The following MRC2 variants were observed in gnomAD, a reference collection of about 807,000 sequenced individuals.
The protein encoded by MRC2 is C-type mannose receptor 2.
In MRC2, 84 loss-of-function variants were observed where a neutral mutation model predicts 206.2. The ratio of observed to expected loss-of-function variants is 0.41; its 90% CI spans 0.34 to 0.49. The LOEUF is 0.49. Ranked by LOEUF, MRC2 falls within the 20% of genes least tolerant of loss-of-function variation. MRC2 has a pLI of 0.31. For missense variants in MRC2, 1,676 were observed against 2,001.5 expected (o/e 0.84, Z 3.10); for synonymous variants, 798 against 800.0 (o/e 1.00, Z 0.04).
intron 9 of MRC2, among the ~76,000 whole-genome samples, chr17:62,674,708 G>A (rs79046538): frequency 0.019 from 2,866 of 152,040 alleles, 192 homozygotes; most frequent in East Asian, 0.13. Context: ...TTGAGGGGGG[G>A]GGTGTCAAGG....
In MRC2 at chr17:62,680,403, T is replaced by TC; in HGVS notation, c.2438-13dup. 6.2e-7 allele frequency: 1 copy of TC among 1,614,058 alleles called. No individual in the cohort carries two copies. Among genetic ancestry groups the TC allele is most frequent in the Non-Finnish European group, 8.5e-7 (1 of 1,179,978 alleles). ...GTCTCCTTTCCTCACAACGTCTTTG[T>TC]CCTTGTTCCCCTAGGTACGGACGTG... On this transcript the variant is annotated splice_polypyrimidine_tract_variant and intron_variant, in intron 15 of 29. Transcript: ENST00000303375. The surrounding 1 kb of genome is among the most constrained non-coding windows in gnomAD (Gnocchi z 4.8).
intron 8 of MRC2, among the ~76,000 whole-genome samples, chr17:62,673,799 C>G (rs753372477): frequency 6.6e-6 from 1 of 152,152 alleles, no homozygotes; most frequent in African/African-American, 2.4e-5. Context: ...CATGAGCCAC[C>G]GCGCCGGGCC....
intron 1 of MRC2, among the ~76,000 whole-genome samples, chr17:62,655,689 A>G (rs2088610108): frequency 6.7e-6 from 1 of 149,844 alleles, no homozygotes; most frequent in Admixed American, 6.7e-5. Flanking sequence ...ACTGCACTCC[A>G]GCCTGGACAA....
At chr17:62,650,095 A>G (rs1403541439) in intron 1 of MRC2, among the ~76,000 whole-genome samples, 3 of 152,062 alleles carry the variant, frequency 2.0e-5, no homozygotes, top group Non-Finnish European at 4.4e-5. Context: ...GTGTCTCACC[A>G]TGTTGGCCAG....
At chr17:62,691,571 A>C (rs954970966) in intron 28 of MRC2, among the ~76,000 whole-genome samples, 1 of 152,080 alleles carries the variant, frequency 6.6e-6, no homozygotes, top group African/African-American at 2.4e-5. Context: ...GGGGTTCAAG[A>C]CCAGCCTGGC....
chr17:62,665,401 T>TC (rs11297640), intron 2 of MRC2, among the ~76,000 whole-genome samples: 1,743 of 130,574 alleles, frequency 0.013, 53 homozygotes, highest in East Asian at 0.11. Context: ...CAAGACTCTG[T>TC]CCCCCCCCCC....
At chr17:62,688,751 T>A in intron 22 of MRC2, 87 bp downstream of exon 22, 1 of 1,589,946 alleles carries the variant, frequency 6.3e-7, no homozygotes, top group Non-Finnish European at 8.6e-7. Context: ...TGCCCCAGGG[T>A]CTCCCTTCTT....
At chr17:62,636,806 A>G (rs1042698550) in intron 1 of MRC2, among the ~76,000 whole-genome samples, 2 of 151,916 alleles carry the variant, frequency 1.3e-5, no homozygotes, top group Non-Finnish European at 2.9e-5. Context: ...GAGTCTCACT[A>G]TGTTGCCCAG....
At chr17:62,662,522 T>A (rs1432550286) in intron 1 of MRC2, among the ~76,000 whole-genome samples, 2 of 152,200 alleles carry the variant, frequency 1.3e-5, no homozygotes, top group Non-Finnish European at 2.9e-5. Context: ...ATGTATTATC[T>A]CATTTCATCG....
intron 1 of MRC2, among the ~76,000 whole-genome samples, chr17:62,641,605 G>A (rs2088405020): frequency 6.6e-6 from 1 of 152,182 alleles, no homozygotes. Flanking sequence ...ACTGTTTATA[G>A]TAGCAAAAAC....
chr17:62,648,392 T>C (rs1014041151), intron 1 of MRC2, among the ~76,000 whole-genome samples: 1 of 152,218 alleles, frequency 6.6e-6, no homozygotes, highest in Non-Finnish European at 1.5e-5. Flanking sequence ...ACTCCTCCCG[T>C]CCCAGTGTCT....
At position 62,693,475 on chromosome 17, in the gene MRC2, T is replaced by A. The variant is rs1347000003; in HGVS notation, c.*1024T>A. 6.6e-6 allele frequency: 1 copy of A among 152,570 alleles called. No individual in the cohort carries two copies. Among genetic ancestry groups the A allele is most frequent in the East Asian group, 1.9e-4 (1 of 5,192 alleles). 9.5% of individuals were successfully genotyped at this position (152,570 alleles called of 1,614,324 possible). On this transcript the variant is annotated 3_prime_UTR_variant, in exon 30 of 30. Coordinates refer to ENST00000303375, the MANE Select transcript of MRC2 (RefSeq NM_006039.5). ...GCGACAGCGTGGGACAATGTGAACA[T>A]GGACTCGAAGACATGGCCCTTTCTC...
intron 13 of MRC2, 61 bp downstream of exon 13, chr17:62,678,707 G>T (rs116368770): frequency 2.5e-6 from 4 of 1,573,882 alleles, no homozygotes; most frequent in Non-Finnish European, 3.4e-6. Flanking sequence ...AGCAGGCATG[G>T]CCGACAGACC....
At chr17:62,647,218 C>T (rs541264161) in intron 1 of MRC2, among the ~76,000 whole-genome samples, 1 of 133,214 alleles carries the variant, frequency 7.5e-6, no homozygotes, top group Admixed American at 8.2e-5. Flanking sequence ...GAGTCTTGCT[C>T]TATCGCCCAT....
chr17:62,679,743 G>T, intron 13 of MRC2, 57 bp from the exon 14 acceptor site: 6 of 1,550,968 alleles, frequency 3.9e-6, no homozygotes, highest in Non-Finnish European at 5.3e-6. Context: ...GCACGTTTGG[G>T]TTCCTGCCCC....
chr17:62,631,273 G>A (rs893113599), intron 1 of MRC2, among the ~76,000 whole-genome samples: 2 of 152,136 alleles, frequency 1.3e-5, no homozygotes, highest in Admixed American at 1.3e-4. Context: ...TGTGCATGTG[G>A]TGGGCGCCGT....
chr17:62,684,911 C>T (rs907585754), intron 20 of MRC2, among the ~76,000 whole-genome samples: 7 of 152,120 alleles, frequency 4.6e-5, no homozygotes, highest in East Asian at 1.9e-4. Flanking sequence ...GAGGCCGAGG[C>T]GGGTGGATCA....
intron 1 of MRC2, among the ~76,000 whole-genome samples, chr17:62,654,366 C>G (rs545483126): frequency 6.6e-6 from 1 of 152,072 alleles, no homozygotes; most frequent in East Asian, 2.0e-4. Flanking sequence ...CCTTGGAATG[C>G]CTTCCTTGTC....
At chr17:62,642,654 C>T (rs2088421583) in intron 1 of MRC2, among the ~76,000 whole-genome samples, 1 of 152,114 alleles carries the variant, frequency 6.6e-6, no homozygotes, top group South Asian at 2.1e-4. Flanking sequence ...ACCATGTTGG[C>T]CAGGCTGGTT....
Sources: allele counts gnomAD v4.1 joint callset (sites outside exome capture counted in the v4.1 genomes callset), GRCh38; gene constraint gnomAD v4.1.1; non-coding constraint Gnocchi (gnomAD v3.1); transcripts MANE v1.5; gene names NCBI Gene and HGNC (gene_info 2026-07-23, HGNC 2026-07-21).